CFAP100: variants seen among roughly 807,000 people sequenced by gnomAD.
The protein encoded by CFAP100 is cilia and flagella associated protein 100.
In CFAP100, 70 loss-of-function variants were observed where a neutral mutation model predicts 81.5. That is an observed-to-expected ratio of 0.86 (90% CI 0.71 to 1.05). The LOEUF is 1.05. CFAP100 is among the 50% of genes least tolerant of loss of function. CFAP100 has a pLI of 0.00. For synonymous variants in CFAP100, 341 were observed against 314.8 expected (o/e 1.08, Z -0.88); for missense variants, 811 against 776.5 (o/e 1.04, Z -0.53).
chr3:126,408,459 C>T (rs1359319503), intron 3 of CFAP100, among the ~76,000 whole-genome samples: 1 of 152,166 alleles, frequency 6.6e-6, no homozygotes. Flanking sequence ...TGGCCCATCC[C>T]ATCACTCTCT....
intron 13 of CFAP100, among the ~76,000 whole-genome samples, chr3:126,430,115 T>C (rs1933152421): frequency 6.6e-6 from 1 of 152,240 alleles, no homozygotes. Flanking sequence ...ATAATTTCAT[T>C]ATAATATGTC....
chr3:126,414,559 C>T (rs184165768), intron 4 of CFAP100, among the ~76,000 whole-genome samples: 185 of 152,348 alleles, frequency 1.2e-3, no homozygotes, highest in African/African-American at 4.3e-3. Context: ...TCCCATCCCA[C>T]AGGCACCCCC....
At chr3:126,418,353 G>A (rs911057433) in intron 5 of CFAP100, 105 bp from the exon 6 acceptor site, 13 of 967,328 alleles carry the variant, frequency 1.3e-5, no homozygotes, top group South Asian at 4.1e-5. Context: ...GGGCGTGGAC[G>A]CAAAGCAGTG....
At position 126,420,218 on chromosome 3, in the gene CFAP100, C is replaced by T. The variant is rs765871561; in HGVS notation, c.1071C>T (p.Gly357=). 2.2e-5 allele frequency: 36 copies of T among 1,612,110 alleles called. No individual in the cohort carries two copies. The highest frequency in any genetic ancestry group is 1.6e-4 in the East Asian group (7 of 44,902). ...GCCAGCCCAGCGAGTCCAGCGGTGG[C>T]GACTCCAGAGGGTGAGTGGGCTCGG... The part of the protein sequence containing the change: ...QGSQPSESSG[G]DSRGSNSPIP... The change falls in exon 11 of 17, where the codon GGC becomes GGT. Residue 357 remains glycine (G), a synonymous_variant. Transcript: ENST00000352312.
chr3:126,426,762 A>G (rs974083578), intron 13 of CFAP100, among the ~76,000 whole-genome samples: 5 of 152,332 alleles, frequency 3.3e-5, no homozygotes, highest in Non-Finnish European at 7.3e-5. Context: ...AAATAAATAA[A>G]TAATAAAAAT....
chr3:126,430,031 C>T (rs183439107), intron 13 of CFAP100, among the ~76,000 whole-genome samples: 95 of 152,250 alleles, frequency 6.2e-4, no homozygotes, highest in African/African-American at 2.1e-3. Flanking sequence ...ATATACTGAT[C>T]GTCTTAGAGC....
chr3:126,418,866 C>T (rs937645510), intron 7 of CFAP100, 92 bp downstream of exon 7: 3 of 1,420,578 alleles, frequency 2.1e-6, no homozygotes, highest in Non-Finnish European at 1.9e-6. Context: ...CCTCTGCCCC[C>T]AGCCCCTGCA....
At chr3:126,414,017 C>A (rs1461504609) in intron 3 of CFAP100, 68 bp from the exon 4 acceptor site, 2 of 1,163,076 alleles carry the variant, frequency 1.7e-6, no homozygotes, top group African/African-American at 1.5e-5. Context: ...GGCAGTGGGG[C>A]CCCAGAGACA....
At position 126,419,651 on chromosome 3, in the gene CFAP100, T is replaced by G; in HGVS notation, c.746T>G (p.Phe249Cys). Residue 249 changes from phenylalanine (F) to cysteine (C), a missense_variant, in exon 9 of 17, where the codon TTT (phenylalanine) becomes TGT (cysteine). Phe to Cys is a radical substitution (Grantham distance 205). Transcript: ENST00000352312. ...CCCCGGTGTAGTGAGATCTCCAGATTTGAAGACACTCTGAAGCATTACAAG... is the reference window on the plus strand; with the variant it reads ...CCCCGGTGTAGTGAGATCTCCAGATGTGAAGACACTCTGAAGCATTACAAG... The part of the protein sequence containing the change: ...IVNIKSEISR[F>C]EDTLKHYKVY... 4 of 1,613,810 alleles carry G rather than the reference T, an allele frequency of 2.5e-6. No individual in the cohort carries two copies. In the African/African-American group the frequency reaches 4.0e-5, roughly 16 times the overall value.
intron 8 of CFAP100, 104 bp from the exon 9 acceptor site, chr3:126,419,533 C>G (rs1318689327): frequency 9.9e-7 from 1 of 1,014,170 alleles, no homozygotes; most frequent in Non-Finnish European, 1.5e-6. Context: ...AACAAGGAGC[C>G]CACACAGACT....
rs1933345036 is a variant in CFAP100, at chr3:126,434,024, C to T, written c.1423-152C>T. 4 of 665,098 alleles carry T rather than the reference C, an allele frequency of 6.0e-6. No homozygotes were observed. The East Asian group carries it at 1.1e-4, about 19-fold the overall frequency. The allele number at this position is 665,098 out of a possible 1,614,324, so 41.2% of individuals were successfully genotyped here. A position where few individuals can be genotyped will look rare whatever the true frequency, so the allele number is the denominator to read the frequency against. ...CTCTGGCCAAGAAAAGCCAGTTCCCCAAGTTCTGTTTTAGCCCATGTTCTC... is the reference window on the plus strand; with the variant it reads ...CTCTGGCCAAGAAAAGCCAGTTCCCTAAGTTCTGTTTTAGCCCATGTTCTC... On this transcript the variant is annotated intron_variant, in intron 14 of 16. Transcript: ENST00000352312.
intron 5 of CFAP100, among the ~76,000 whole-genome samples, chr3:126,417,082 G>A (rs1021285018): frequency 6.6e-6 from 1 of 152,190 alleles, no homozygotes; most frequent in Non-Finnish European, 1.5e-5. Context: ...GGCGCAGGCT[G>A]CACAGCGTAG....
At position 126,416,219 on chromosome 3, in the gene CFAP100, G is replaced by T. The variant is rs147678441; in HGVS notation, c.226-97G>T. 4.7e-3 allele frequency: 3,439 copies of T among 726,134 alleles called. 77 individuals are homozygous for T. In the African/African-American group the frequency reaches 0.07, roughly 15 times the overall value. The allele number at this position is 726,134 out of a possible 1,614,324, so 45.0% of individuals were successfully genotyped here. A position where few individuals can be genotyped will look rare whatever the true frequency, so the allele number is the denominator to read the frequency against. On this transcript the variant is annotated intron_variant, in intron 4 of 16. Transcript: ENST00000352312. ...AGTGTTCAGGTCCCCGCGTCCTCGC[G>T]CGCAAACCCGCGTCCCTAGGAATGG...
chr3:126,419,192 C>T lies in CFAP100; in HGVS notation c.731+36C>T, dbSNP rs79659294. On this transcript the variant is annotated intron_variant, in intron 8 of 16. Transcript: ENST00000352312. ...AGGGCATGCTGGCCATTGGCTGGCC[C>T]ACCTCCTGGTCCCTCAGTCATTTTG... The T allele has an allele frequency of 7.1e-4, 978 of 1,375,744 alleles. 9 individuals are homozygous for T. In the African/African-American group the frequency reaches 0.012, roughly 17 times the overall value. The allele number at this position is 1,375,744 out of a possible 1,614,324, so 85.2% of individuals were successfully genotyped here.
intron 6 of CFAP100, 24 bp downstream of exon 6, chr3:126,418,549 G>T (rs753967315): frequency 1.2e-6 from 2 of 1,613,924 alleles, no homozygotes; most frequent in Non-Finnish European, 1.7e-6. Context: ...CCCCCAGAGC[G>T]ATGGATGCCA....
chr3:126,432,594 G>C (rs1933276864), intron 13 of CFAP100, among the ~76,000 whole-genome samples: 1 of 152,144 alleles, frequency 6.6e-6, no homozygotes, highest in African/African-American at 2.4e-5. Context: ...AGTCACAAAA[G>C]AAAACATGTT....
At chr3:126,435,876 G>A (rs985666646) in intron 16 of CFAP100, among the ~76,000 whole-genome samples, 6 of 152,146 alleles carry the variant, frequency 3.9e-5, no homozygotes, top group African/African-American at 1.4e-4. Context: ...GCTGAGCCTG[G>A]TTCAGCCATG....
At chr3:126,405,585 C>A (rs1251618582) in intron 2 of CFAP100, among the ~76,000 whole-genome samples, 2 of 152,100 alleles carry the variant, frequency 1.3e-5, no homozygotes, top group East Asian at 3.9e-4. Flanking sequence ...ATCGCTTGAA[C>A]CTGGGAGGTA....
rs1234099546 is a variant in CFAP100 at position 126,423,583 on chromosome 3, C to T, written c.1225C>T (p.Gln409Ter). ...EQNLSLIQNS[Q>*]ETEKTLEELS... ...GAACCTGTCGCTGATCCAGAACAGCCAGGAGACGGAGAAGACCCTGGAGGA... is the reference window on the plus strand; with the variant it reads ...GAACCTGTCGCTGATCCAGAACAGCTAGGAGACGGAGAAGACCCTGGAGGA... The change falls in exon 13 of 17, where the codon CAG becomes TAG. Residue 409 changes from glutamine (Q) to a stop codon, truncating the protein, a stop_gained. Transcript: ENST00000352312. LOFTEE classifies it high-confidence loss of function. 2.5e-6 allele frequency: 4 copies of T among 1,612,208 alleles called. No homozygotes were observed. The highest frequency in any genetic ancestry group is 3.4e-6 in the Non-Finnish European group (4 of 1,178,628).
Sources: allele counts gnomAD v4.1 joint callset (sites outside exome capture counted in the v4.1 genomes callset), GRCh38; gene constraint gnomAD v4.1.1; transcripts MANE v1.5; gene names NCBI Gene and HGNC (gene_info 2026-07-23, HGNC 2026-07-21).